Variants in TLN2 observed in about 807,000 individuals in gnomAD.
TLN2 encodes talin-2.
In TLN2, 118 loss-of-function variants were observed where a neutral mutation model predicts 294.7. That is an observed-to-expected ratio of 0.40 (90% confidence interval 0.34 to 0.47). The LOEUF (loss-of-function observed/expected upper bound fraction) is 0.47. Among genes scored for constraint, TLN2 ranks in the 20% least tolerant of loss-of-function variants. The pLI, the probability that TLN2 is intolerant of heterozygous loss-of-function variation, is 0.84. For synonymous variants in TLN2, 1,431 were observed against 1,304.5 expected (o/e 1.10, Z -2.09); for missense variants, 3,083 against 3,282.2 (o/e 0.94, Z 1.48).
At chr15:62,638,291 C>T (rs1024318456) in intron 3 of TLN2, 15 of 342,422 alleles carry the variant, frequency 4.4e-5, no homozygotes, top group Middle Eastern at 2.0e-3. Flanking sequence ...TAAAGGGCAG[C>T]ACTCAGCTCA....
At chr15:62,414,163 A>AAATATATATATATATATAT (rs1555404130) in intron 1 of TLN2, among the ~76,000 whole-genome samples, 1 of 37,364 alleles carries the variant, frequency 2.7e-5, no homozygotes, top group Non-Finnish European at 6.2e-5. Context: ...AAAAAAAAAA[A>AAATATATATATATATATAT]CTATATATAT....
At chr15:62,419,389 C>T (rs1056908726) in intron 1 of TLN2, among the ~76,000 whole-genome samples, 2 of 152,140 alleles carry the variant, frequency 1.3e-5, no homozygotes, top group East Asian at 3.8e-4. Flanking sequence ...GCTTAAAGGC[C>T]ACAAGACAGC....
intron 1 of TLN2, among the ~76,000 whole-genome samples, chr15:62,483,536 T>C (rs1426809915): frequency 6.6e-6 from 1 of 152,230 alleles, no homozygotes; most frequent in Non-Finnish European, 1.5e-5. Context: ...GTATGTGAAA[T>C]GCAAATCATC....
intron 21 of TLN2, 118 bp downstream of exon 21, chr15:62,708,914 G>A: frequency 8.0e-7 from 1 of 1,247,544 alleles, no homozygotes; most frequent in Non-Finnish European, 1.1e-6. Flanking sequence ...GTTCTCTTCA[G>A]TCTCAAAGAC....
chr15:62,593,075 G>T (rs2046211319), intron 2 of TLN2, among the ~76,000 whole-genome samples: 1 of 152,160 alleles, frequency 6.6e-6, no homozygotes, highest in Non-Finnish European at 1.5e-5. Context: ...GAGAATTGTT[G>T]AATCTGTGAA....
At chr15:62,800,551 G>A in intron 49 of TLN2, 58 bp downstream of exon 49, 1 of 1,610,786 alleles carries the variant, frequency 6.2e-7, no homozygotes, top group Non-Finnish European at 8.5e-7. Context: ...CTTAAAGGAA[G>A]GAGAGGCGTC....
At position 62,844,276 on chromosome 15, in the gene TLN2, T is replaced by C. The variant is rs1402084280; in HGVS notation, c.*3666T>C. 6.6e-6 allele frequency: 1 copy of C among 152,076 alleles called. No homozygotes were observed. Among genetic ancestry groups the C allele is most frequent in the Non-Finnish European group, 1.5e-5 (1 of 68,048 alleles). 9.4% of individuals were successfully genotyped at this position (152,076 alleles called of 1,614,324 possible). ...TTCTGAGCCTCTGCTTGGTATGTCA[T>C]GTTTATGGTCACTACGGATGAGTGT... On this transcript the variant is annotated 3_prime_UTR_variant, in exon 59 of 59. Coordinates refer to ENST00000636159, the MANE Select transcript of TLN2 (RefSeq NM_015059.3).
At chr15:62,603,967 G>T (rs1029218700) in intron 2 of TLN2, among the ~76,000 whole-genome samples, 1 of 152,206 alleles carries the variant, frequency 6.6e-6, no homozygotes, top group Non-Finnish European at 1.5e-5. Context: ...CAACTCTGCT[G>T]TTGGCACACA....
Position 62,762,275 on chromosome 15 carries a change from T to C in TLN2, c.4783T>C (p.Ser1595Pro). Residue 1595 changes from serine to proline, a missense_variant, in exon 39 of 59, where the codon TCC becomes CCC. Transcript: ENST00000636159. ...TTTCTCTGCTGTTTGGTCTCAGGGT[T>C]CCCAGGCACAGGAACCAATCCTGGT... ...SIPAQISSEG[S>P]QAQEPILVSA... 6.2e-7 allele frequency: 1 copy of C among 1,614,096 alleles called. No homozygotes were observed. Among genetic ancestry groups the C allele is most frequent in the African/African-American group, 1.3e-5 (1 of 75,026 alleles).
chr15:62,838,822 T>C, intron 57 of TLN2, 34 bp from the exon 58 acceptor site: 1 of 1,600,842 alleles, frequency 6.2e-7, no homozygotes, highest in Non-Finnish European at 8.5e-7. Flanking sequence ...TGGCTGTTTC[T>C]AATGATATAA....
chr15:62,819,373 C>A, intron 52 of TLN2, 143 bp from the exon 53 acceptor site: 1 of 660,188 alleles, frequency 1.5e-6, no homozygotes, highest in South Asian at 1.9e-5. Context: ...AAGGGTTTTC[C>A]ACAAGGCTCT....
intron 35 of TLN2, among the ~76,000 whole-genome samples, chr15:62,753,375 G>A (rs561859840): frequency 6.6e-6 from 1 of 152,288 alleles, no homozygotes; most frequent in African/African-American, 2.4e-5. Context: ...CCATTAGTCT[G>A]CATGCACCCA....
intron 41 of TLN2, among the ~76,000 whole-genome samples, chr15:62,769,056 A>T (rs1413225932): frequency 3.3e-5 from 5 of 152,198 alleles, no homozygotes; most frequent in Non-Finnish European, 5.9e-5. Context: ...TCCATGGGGG[A>T]GCCGGGCTCC....
At chr15:62,767,306 C>T (rs1413446963) in intron 41 of TLN2, among the ~76,000 whole-genome samples, 3 of 146,646 alleles carry the variant, frequency 2.0e-5, no homozygotes, top group Non-Finnish European at 4.5e-5. Flanking sequence ...TTAAGTGTGG[C>T]ATATTTCATT....
Position 62,697,676 on chromosome 15 carries a change from T to G in TLN2, c.1293-12T>G. 6.3e-7 allele frequency: 1 copy of G among 1,588,418 alleles called. No individual in the cohort carries two copies. The highest frequency in any genetic ancestry group is 8.6e-7 in the Non-Finnish European group (1 of 1,162,196). On this transcript the variant is annotated splice_polypyrimidine_tract_variant and intron_variant, in intron 14 of 58. Coordinates refer to ENST00000636159, the MANE Select transcript of TLN2 (RefSeq NM_015059.3). ...GGTGTTCTCTCAGTGACCAAACCAC[T>G]TTTCCCGGCAGGTCCACCATCTTGC... is the stretch of plus-strand genomic sequence containing the variant.
intron 32 of TLN2, among the ~76,000 whole-genome samples, chr15:62,746,069 G>A (rs771234801): frequency 8.5e-5 from 13 of 152,076 alleles, no homozygotes; most frequent in Admixed American, 3.3e-4. Context: ...GAAAACTGGC[G>A]GCTTTCCCAC....
intron 1 of TLN2, among the ~76,000 whole-genome samples, chr15:62,543,884 G>A (rs8040228): frequency 0.36 from 54,599 of 151,982 alleles, 10,850 homozygotes; most frequent in East Asian, 0.55. Flanking sequence ...CTACAATGGG[G>A]AGCTGTGAGA....
chr15:62,832,699 C>T (rs1287708977), intron 54 of TLN2: 1 of 150,738 alleles, frequency 6.6e-6, no homozygotes, highest in Non-Finnish European at 1.5e-5. Context: ...TCGTGTTGCC[C>T]TGGTTTCTTT....
At position 62,608,232 on chromosome 15, in the gene TLN2, A is replaced by G. The variant is rs139653304; in HGVS notation, c.-161-10119A>G. ...TGTTGGAAAAGGAAAATATGTTTATATCGTTGGTGCAGAGGGTTTAAGACA... is the reference window on the plus strand; with the variant it reads ...TGTTGGAAAAGGAAAATATGTTTATGTCGTTGGTGCAGAGGGTTTAAGACA... On this transcript the variant is annotated intron_variant, in intron 2 of 58. Coordinates refer to ENST00000636159, the MANE Select transcript of TLN2 (RefSeq NM_015059.3). 2.6e-3 allele frequency among the ~76,000 whole-genome samples: 403 copies of G among 152,296 alleles called. 2 individuals are homozygous for G. Among genetic ancestry groups the G allele is most frequent in the Non-Finnish European group, 4.4e-3 (301 of 68,022 alleles).
Sources: gnomAD v4.1 joint callset for allele counts (sites outside exome capture counted in the v4.1 genomes callset) on GRCh38, gnomAD v4.1.1 for gene constraint, MANE v1.5 for transcripts, NCBI Gene and HGNC (gene_info 2026-07-23, HGNC 2026-07-21) for gene names.